Variants in SATL1 observed in about 807,000 individuals in gnomAD.
The protein encoded by SATL1 is spermidine/spermine N(1)-acetyltransferase-like protein 1.
In SATL1, 47 loss-of-function variants were observed where a neutral mutation model predicts 51.8. The observed-to-expected ratio is 0.91, with a 90% CI of 0.72 to 1.16. The LOEUF (loss-of-function observed/expected upper bound fraction) is 1.16. SATL1 is among the 50% of genes most tolerant of loss of function. SATL1 has a pLI of 0.00. For synonymous variants in SATL1, 176 were observed against 182.4 expected, an observed-to-expected ratio of 0.97 and a Z score of 0.28; for missense variants, 520 against 526.4, an observed-to-expected ratio of 0.99 and a Z score of 0.12.
rs1478337221 is a variant in SATL1 at position 85,134,870 on chromosome X, TG to T, written c.-312-25591del. ...AGCTAGATCTTGAAAGGACTTGGTA[TG>T]CCATGCTAAAATGTTTGGATTTATC... On this transcript the variant is annotated intron_variant, in intron 2 of 7. Coordinates refer to ENST00000644105, the MANE Select transcript of SATL1 (RefSeq NM_001367857.2). Among the ~76,000 whole-genome samples, 7 of 111,647 alleles carry T rather than the reference TG, an allele frequency of 6.3e-5. No individual in the cohort carries two copies. The East Asian group carries it at 2.0e-3, about 32-fold the overall frequency.
intron 2 of SATL1, among the ~76,000 whole-genome samples, chrX:85,172,927 T>C: frequency 8.9e-6 from 1 of 111,853 alleles, no homozygotes; most frequent in East Asian, 2.8e-4. Context: ...AAGAATGTTA[T>C]ATTTTGACTA....
intron 2 of SATL1, among the ~76,000 whole-genome samples, chrX:85,144,399 C>T (rs771367115): frequency 9.0e-6 from 1 of 111,519 alleles, no homozygotes; most frequent in Non-Finnish European, 1.9e-5. Context: ...TACCTAATCT[C>T]ATCAAAGAAG....
chrX:85,157,402 T>C (rs1382005720), intron 2 of SATL1, among the ~76,000 whole-genome samples: 1 of 111,769 alleles, frequency 8.9e-6, no homozygotes, highest in Non-Finnish European at 1.9e-5. Context: ...ATGAATATTG[T>C]TGATGTCTCC....
At chrX:85,184,237 T>C (rs6623240) in intron 2 of SATL1, among the ~76,000 whole-genome samples, 39,103 of 110,458 alleles carry the variant, frequency 0.35, 8,197 homozygotes, top group African/African-American at 0.79. Context: ...ACCGAAAAGT[T>C]TGCTACTTTT....
intron 2 of SATL1, among the ~76,000 whole-genome samples, chrX:85,157,764 C>T (rs1454999709): frequency 1.8e-5 from 2 of 111,645 alleles, no homozygotes; most frequent in Non-Finnish European, 3.8e-5. Context: ...TTTCCTATGG[C>T]TAAATCTCTG....
intron 2 of SATL1, among the ~76,000 whole-genome samples, chrX:85,206,861 GAATCCTGAGA>G (rs1291895023): frequency 9.0e-6 from 1 of 111,349 alleles, no homozygotes; most frequent in African/African-American, 3.3e-5. Flanking sequence ...AGAAGAGGAG[GAATCCTGAGA>G]ACATTTGGAA....
intron 1 of SATL1, among the ~76,000 whole-genome samples, chrX:85,241,843 A>G (rs1235911782): frequency 1.8e-5 from 2 of 112,326 alleles, no homozygotes; most frequent in Non-Finnish European, 3.8e-5. Context: ...GGAGACTATT[A>G]CTACTGTCCC....
intron 1 of SATL1, among the ~76,000 whole-genome samples, chrX:85,240,926 C>T (rs767963810): frequency 9.0e-6 from 1 of 110,522 alleles, no homozygotes; most frequent in African/African-American, 3.3e-5. Context: ...ACCTGGCCTC[C>T]TGTGTACTTT....
At chrX:85,141,138 G>A (rs1332883345) in intron 2 of SATL1, among the ~76,000 whole-genome samples, 2 of 111,489 alleles carry the variant, frequency 1.8e-5, no homozygotes, top group African/African-American at 3.3e-5. Flanking sequence ...GGCTGCAAGG[G>A]AAGGCTGCCC....
intron 2 of SATL1, among the ~76,000 whole-genome samples, chrX:85,180,357 T>C (rs1013194319): frequency 1.8e-5 from 2 of 111,130 alleles, no homozygotes; most frequent in African/African-American, 3.3e-5. Flanking sequence ...GAGAACATCA[T>C]AGAGTGTACT....
rs1927779001 is a variant in SATL1 at position 85,205,692 on chromosome X, G to C, written c.-313+18513C>G. On this transcript the variant is annotated intron_variant, in intron 2 of 7. Transcript: ENST00000644105. Reference sequence around the variant, plus strand: ...GTTGATAAGGTAGATGTGTCATGCTGGGCTTTGTAGGATACAGTAAGATAT... The same window carrying C: ...GTTGATAAGGTAGATGTGTCATGCTCGGCTTTGTAGGATACAGTAAGATAT... Among the ~76,000 whole-genome samples the C allele has an allele frequency of 2.7e-5, 3 of 112,095 alleles. No individual in the cohort carries two copies. The South Asian group carries it at 1.1e-3, about 42-fold the overall frequency.
intron 2 of SATL1, among the ~76,000 whole-genome samples, chrX:85,129,906 A>G (rs1246114238): frequency 1.8e-5 from 2 of 111,738 alleles, no homozygotes; most frequent in African/African-American, 6.5e-5. Flanking sequence ...TGAGATAATC[A>G]TGTGGTTTTT....
intron 1 of SATL1, among the ~76,000 whole-genome samples, chrX:85,230,827 C>A (rs997245610): frequency 1.3e-4 from 14 of 111,964 alleles, no homozygotes; most frequent in African/African-American, 3.6e-4. Flanking sequence ...TGAAATGATG[C>A]TCAATATCCT....
intron 2 of SATL1, among the ~76,000 whole-genome samples, chrX:85,125,480 C>CT (rs1459712154): frequency 5.7e-5 from 6 of 105,116 alleles, no homozygotes; most frequent in Non-Finnish European, 1.2e-4. Context: ...TAAGTATGTC[C>CT]TTTTTTTTCT....
intron 2 of SATL1, among the ~76,000 whole-genome samples, chrX:85,166,951 G>A (rs1046818150): frequency 3.1e-4 from 32 of 102,289 alleles, no homozygotes; most frequent in South Asian, 9.4e-4. Context: ...ATGTGTGTGT[G>A]TGTGTGTGTG....
intron 2 of SATL1, chrX:85,143,364 T>C (rs1926153340): frequency 9.0e-6 from 1 of 111,337 alleles, no homozygotes; most frequent in South Asian, 3.8e-4. Context: ...TGATTGCCTC[T>C]CCTAATTGCA....
chrX:85,207,431 T>A (rs1245231573), intron 2 of SATL1: 1 of 112,044 alleles, frequency 8.9e-6, no homozygotes, highest in Non-Finnish European at 1.9e-5. Context: ...ACAACATTTC[T>A]GATCTTTGGA....
chrX:85,130,742 G>T lies in SATL1; in HGVS notation c.-312-21462C>A, dbSNP rs1398984619. Among the ~76,000 whole-genome samples, 4 of 111,418 alleles carry T rather than the reference G, an allele frequency of 3.6e-5. 1 individual carries two copies. On this transcript the variant is annotated intron_variant, in intron 2 of 7. Transcript: ENST00000644105. ...TAGTTCTTTTAATTGTAATGTTAGG[G>T]TGTCAATTTTAGATCTTTCCTGCCT...
chrX:85,189,660 G>A lies in SATL1; in HGVS notation c.-313+34545C>T, dbSNP rs191528450. Among the ~76,000 whole-genome samples the A allele has an allele frequency of 2.7e-5, 3 of 112,003 alleles. No individual in the cohort carries two copies. In the East Asian group the frequency reaches 8.4e-4, roughly 31 times the overall value. On this transcript the variant is annotated intron_variant, in intron 2 of 7. Transcript: ENST00000644105. ...TAATATATGGAGTTTTCAGAATCAGGCATAGCAAGACATCTGTAACACAAG... is the reference window on the plus strand; with the variant it reads ...TAATATATGGAGTTTTCAGAATCAGACATAGCAAGACATCTGTAACACAAG...
Sources: allele counts gnomAD v4.1 joint callset (sites outside exome capture counted in the v4.1 genomes callset), GRCh38; gene constraint gnomAD v4.1.1; transcripts MANE v1.5; gene names NCBI Gene and HGNC (gene_info 2026-07-23, HGNC 2026-07-21).